The following LPP variants were observed in gnomAD, a reference collection of about 807,000 sequenced individuals.
The protein encoded by LPP is LIM domain containing preferred translocation partner in lipoma.
LPP carries 38 observed loss-of-function variants against 60.4 expected under a neutral mutation model. The ratio of observed to expected loss-of-function variants is 0.63; its 90% CI spans 0.49 to 0.83. The LOEUF is 0.83. LPP is among the 40% of genes least tolerant of loss of function. The pLI is 0.00. For synonymous variants in LPP, 328 were observed against 290.8 expected (o/e 1.13, Z -1.30); for missense variants, 902 against 783.6 (o/e 1.15, Z -1.80).
intron 7 of LPP, among the ~76,000 whole-genome samples, chr3:188,635,438 G>C (rs1160647181): frequency 6.6e-6 from 1 of 152,178 alleles, no homozygotes; most frequent in East Asian, 1.9e-4. Context: ...GTTCTAGTCT[G>C]TCCACAAATA....
intron 5 of LPP, among the ~76,000 whole-genome samples, chr3:188,514,749 T>A (rs2150070457): frequency 6.6e-6 from 1 of 152,362 alleles, no homozygotes; most frequent in East Asian, 1.9e-4. Context: ...GCGGCAGTTT[T>A]GTTACATGTT....
At chr3:188,459,752 T>C (rs966040432) in intron 4 of LPP, among the ~76,000 whole-genome samples, 4 of 152,144 alleles carry the variant, frequency 2.6e-5, no homozygotes, top group African/African-American at 9.7e-5. Context: ...CCAAACCTAG[T>C]TCTGAACCCC....
intron 2 of LPP, among the ~76,000 whole-genome samples, chr3:188,311,362 C>T (rs575014235): frequency 1.6e-4 from 24 of 152,122 alleles, no homozygotes; most frequent in Admixed American, 6.5e-4. Context: ...ACCTGTAGTC[C>T]TAGCTACTCA....
intron 8 of LPP, among the ~76,000 whole-genome samples, chr3:188,754,705 A>T (rs1729579609): frequency 1.3e-5 from 2 of 152,074 alleles, no homozygotes; most frequent in South Asian, 4.1e-4. Flanking sequence ...TACAGGCAAG[A>T]TTGAGAGTCA....
intron 7 of LPP, among the ~76,000 whole-genome samples, chr3:188,676,211 C>A (rs184487246): frequency 6.6e-6 from 1 of 152,144 alleles, no homozygotes; most frequent in Non-Finnish European, 1.5e-5. Context: ...ATAATCTAGA[C>A]AAAATCCTGC....
At chr3:188,589,646 T>A (rs1838242531) in intron 6 of LPP, among the ~76,000 whole-genome samples, 1 of 152,214 alleles carries the variant, frequency 6.6e-6, no homozygotes, top group African/African-American at 2.4e-5. Flanking sequence ...ATTTTGCATT[T>A]TTTTCTTTAC....
intron 3 of LPP, among the ~76,000 whole-genome samples, chr3:188,404,188 A>C (rs920368338): frequency 6.6e-6 from 1 of 152,176 alleles, no homozygotes; most frequent in African/African-American, 2.4e-5. Context: ...AAAGTACTTT[A>C]ATATCATCTC....
intron 10 of LPP, among the ~76,000 whole-genome samples, chr3:188,872,093 T>C (rs1768258811): frequency 6.6e-6 from 1 of 152,168 alleles, no homozygotes; most frequent in Non-Finnish European, 1.5e-5. Context: ...GTGTAATGTA[T>C]ATTTAAACGC....
At chr3:188,441,960 A>T (rs2149266269) in intron 4 of LPP, among the ~76,000 whole-genome samples, 1 of 152,202 alleles carries the variant, frequency 6.6e-6, no homozygotes, top group Admixed American at 6.5e-5. Context: ...GTATGTGTGT[A>T]AAAGAACATA....
At chr3:188,860,516 G>A (rs1400429594) in intron 9 of LPP, among the ~76,000 whole-genome samples, 1 of 152,044 alleles carries the variant, frequency 6.6e-6, no homozygotes, top group Non-Finnish European at 1.5e-5. Context: ...CAGGAACTCT[G>A]GACACCTCTG....
chr3:188,669,235 G>A (rs547287884), intron 7 of LPP, among the ~76,000 whole-genome samples: 5 of 152,114 alleles, frequency 3.3e-5, no homozygotes, highest in South Asian at 2.1e-4. Flanking sequence ...AGAGCAAGCC[G>A]CATAAATCAA....
chr3:188,210,853 T>A (rs1267919775), intron 1 of LPP, among the ~76,000 whole-genome samples: 3 of 151,996 alleles, frequency 2.0e-5, no homozygotes, highest in Non-Finnish European at 4.4e-5. Context: ...AGACCACCCC[T>A]TTTTGCTCTC....
chr3:188,504,767 A>T (rs1052479452), intron 5 of LPP, among the ~76,000 whole-genome samples: 5 of 151,698 alleles, frequency 3.3e-5, no homozygotes, highest in African/African-American at 1.2e-4. Flanking sequence ...CTGTCTCCCA[A>T]AATGAGAAAA....
At chr3:188,681,396 A>C (rs181100707) in intron 7 of LPP, among the ~76,000 whole-genome samples, 6 of 152,288 alleles carry the variant, frequency 3.9e-5, no homozygotes, top group African/African-American at 1.4e-4. Context: ...CAACATCTCC[A>C]GTCCCCTTTG....
chr3:188,464,286 G>C (rs1799828137), intron 4 of LPP, among the ~76,000 whole-genome samples: 1 of 152,184 alleles, frequency 6.6e-6, no homozygotes, highest in African/African-American at 2.4e-5. Context: ...TGAAAGGCCT[G>C]ATATGGTAGC....
chr3:188,296,171 A>G (rs182474039), intron 2 of LPP, among the ~76,000 whole-genome samples: 1 of 152,320 alleles, frequency 6.6e-6, no homozygotes, highest in Admixed American at 6.5e-5. Context: ...AACTTGGTCC[A>G]CTGGGGGAAG....
At chr3:188,300,368 C>A (rs113316301) in intron 2 of LPP, among the ~76,000 whole-genome samples, 1,719 of 150,940 alleles carry the variant, frequency 0.011, 35 homozygotes, top group African/African-American at 0.04. Flanking sequence ...TTGTGACGAA[C>A]GATTGTGACT....
intron 2 of LPP, among the ~76,000 whole-genome samples, chr3:188,226,068 G>A (rs750279711): frequency 6.6e-6 from 1 of 152,022 alleles, no homozygotes. Context: ...GGGTGCAGTG[G>A]TGCCATCTTG....
At chr3:188,629,314 A>C in intron 7 of LPP, among the ~76,000 whole-genome samples, 1 of 152,130 alleles carries the variant, frequency 6.6e-6, no homozygotes, top group Admixed American at 6.6e-5. Flanking sequence ...TTGTATACCT[A>C]GAAAACCCCA....
Sources: gnomAD v4.1 joint callset for allele counts (sites outside exome capture counted in the v4.1 genomes callset) on GRCh38, gnomAD v4.1.1 for gene constraint, MANE v1.5 for transcripts, NCBI Gene and HGNC (gene_info 2026-07-23, HGNC 2026-07-21) for gene names.